The following PTPN2 variants were observed in gnomAD, a reference collection of about 807,000 sequenced individuals.
The protein encoded by PTPN2 is protein tyrosine phosphatase non-receptor type 2, also known as tyrosine-protein phosphatase non-receptor type 2.
A neutral mutation model predicts 57.3 loss-of-function variants in PTPN2; 19 were observed. The ratio of observed to expected loss-of-function variants is 0.33; its 90% confidence interval spans 0.23 to 0.49. PTPN2 has a LOEUF of 0.49. PTPN2 is among the 20% of genes least tolerant of loss of function. PTPN2 has a pLI of 0.99. For missense variants in PTPN2, 358 were observed against 501.1 expected (o/e 0.71, Z 2.73); for synonymous variants, 153 against 164.9 (o/e 0.93, Z 0.55).
Position 12,855,271 on chromosome 18 carries a change from G to A in PTPN2, c.160+3893C>T, listed in dbSNP as rs146075517. Among the ~76,000 whole-genome samples the A allele has an allele frequency of 1.3e-3, 198 of 152,248 alleles. 1 individual carries two copies. The highest frequency in any genetic ancestry group is 4.5e-3 in the African/African-American group (188 of 41,548). ...CAGGTAAGAAATGTCCATCCATGTA[G>A]GTAAGAAAGGAAGTGGGGGCTGGGG... is the stretch of plus-strand genomic sequence containing the variant. On this transcript the variant is annotated intron_variant, in intron 2 of 8. Transcript: ENST00000309660.
chr18:12,838,754 T>C (rs1826311977), intron 2 of PTPN2, among the ~76,000 whole-genome samples: 1 of 133,540 alleles, frequency 7.5e-6, no homozygotes, highest in Non-Finnish European at 1.7e-5. Context: ...GAAAACTCTA[T>C]AGCTATTTAG....
chr18:12,878,649 G>GGT (rs1432712306), intron 1 of PTPN2, among the ~76,000 whole-genome samples: 1 of 152,142 alleles, frequency 6.6e-6, no homozygotes, highest in African/African-American at 2.4e-5. Context: ...TCCAGCCTGG[G>GGT]GGACAGAGCA....
At chr18:12,831,231 T>C (rs1009225928) in intron 3 of PTPN2, among the ~76,000 whole-genome samples, 190 bp from the exon 4 acceptor site, 5 of 152,214 alleles carry the variant, frequency 3.3e-5, no homozygotes, top group African/African-American at 7.2e-5. Context: ...TTTTTGGTTG[T>C]AAATGATCAA....
At chr18:12,874,800 G>A (rs1167673793) in intron 1 of PTPN2, among the ~76,000 whole-genome samples, 1 of 152,222 alleles carries the variant, frequency 6.6e-6, no homozygotes, top group African/African-American at 2.4e-5. Context: ...CCCTGTCTGG[G>A]AGGTGTGCCC....
intron 8 of PTPN2, among the ~76,000 whole-genome samples, chr18:12,800,097 T>C (rs990544187): frequency 2.0e-5 from 3 of 152,110 alleles, no homozygotes; most frequent in Non-Finnish European, 4.4e-5. Flanking sequence ...TGCGAAAACA[T>C]GTACAGGCAC....
At chr18:12,878,888 C>T (rs1409259926) in intron 1 of PTPN2, among the ~76,000 whole-genome samples, 1 of 152,178 alleles carries the variant, frequency 6.6e-6, no homozygotes, top group Non-Finnish European at 1.5e-5. Flanking sequence ...AAGCCAAATT[C>T]CTTCTGAGCC....
intron 1 of PTPN2, among the ~76,000 whole-genome samples, chr18:12,882,850 G>A (rs1355134971): frequency 6.6e-6 from 1 of 152,192 alleles, no homozygotes; most frequent in Non-Finnish European, 1.5e-5. Flanking sequence ...TTACAGGAAA[G>A]CCCGTCTTTT....
chr18:12,870,379 ATATACG>A lies in PTPN2; in HGVS notation c.70-11131_70-11126del, dbSNP rs1336245906. On this transcript the variant is annotated intron_variant, in intron 1 of 8. Coordinates refer to ENST00000309660, the MANE Select transcript of PTPN2 (RefSeq NM_002828.4). ...TATATATATGTGTATATATACATAT[ATATACG>A]TATATATGTATATATACACGTATAT... Among the ~76,000 whole-genome samples the A allele has an allele frequency of 4.3e-4, 29 of 68,096 alleles. 1 individual carries two copies. Among genetic ancestry groups the A allele is most frequent in the Non-Finnish European group, 7.4e-4 (29 of 38,936 alleles). The allele number at this position is 68,096 out of a possible 152,430, so 44.7% of individuals were successfully genotyped here. A position where few individuals can be genotyped will look rare whatever the true frequency, so the allele number is the denominator to read the frequency against.
At chr18:12,807,778 C>T (rs956708669) in intron 7 of PTPN2, among the ~76,000 whole-genome samples, 1 of 151,506 alleles carries the variant, frequency 6.6e-6, no homozygotes, top group African/African-American at 2.4e-5. Flanking sequence ...ATAGTACCTA[C>T]TGGAGGCTTC....
At chr18:12,799,073 T>A (rs1345161961) in intron 8 of PTPN2, among the ~76,000 whole-genome samples, 2 of 152,212 alleles carry the variant, frequency 1.3e-5, no homozygotes, top group African/African-American at 4.8e-5. Flanking sequence ...ATCCTCCAAA[T>A]GAATACAATG....
intron 1 of PTPN2, among the ~76,000 whole-genome samples, chr18:12,882,639 C>A (rs2145555141): frequency 6.6e-6 from 1 of 152,326 alleles, no homozygotes; most frequent in Non-Finnish European, 1.5e-5. Context: ...CCAGAATTTG[C>A]GTTTCAGATT....
chr18:12,861,857 AAC>A (rs1348179527), intron 1 of PTPN2, among the ~76,000 whole-genome samples: 2 of 152,230 alleles, frequency 1.3e-5, no homozygotes, highest in Non-Finnish European at 2.9e-5. Context: ...AGCCCAGAGA[AAC>A]ACACTTCTTT....
intron 3 of PTPN2, among the ~76,000 whole-genome samples, chr18:12,832,086 C>T (rs2042687917): frequency 6.6e-6 from 1 of 152,152 alleles, no homozygotes; most frequent in Non-Finnish European, 1.5e-5. Flanking sequence ...TTCAGACCCA[C>T]ATACAACAAG....
intron 5 of PTPN2, among the ~76,000 whole-genome samples, chr18:12,817,770 G>C (rs1256279685): frequency 6.6e-6 from 1 of 152,158 alleles, no homozygotes. Flanking sequence ...TGGGTTCTCA[G>C]CTACTAATCT....
chr18:12,817,432 G>A (rs759859468), intron 5 of PTPN2, 67 bp from the exon 6 acceptor site: 6 of 1,196,020 alleles, frequency 5.0e-6, no homozygotes, highest in Non-Finnish European at 7.3e-6. Flanking sequence ...ACTTCAGAAA[G>A]ATCATGTGTT....
Position 12,884,211 on chromosome 18 carries a change from G to A in PTPN2, c.-70C>T, listed in dbSNP as rs945331118. On this transcript the variant is annotated 5_prime_UTR_variant, in exon 1 of 9. Transcript: ENST00000309660. ...GAGGCTCAGGCCCCGCACGATCCGGGGAGAGCGCTGGCGCTGCGGCGCATG... is the reference window on the plus strand; with the variant it reads ...GAGGCTCAGGCCCCGCACGATCCGGAGAGAGCGCTGGCGCTGCGGCGCATG... 55 of 1,271,688 alleles carry A rather than the reference G, an allele frequency of 4.3e-5. No homozygotes were observed. The East Asian group carries it at 1.4e-3, about 33-fold the overall frequency. The allele number at this position is 1,271,688 out of a possible 1,614,324, so 78.8% of individuals were successfully genotyped here.
At chr18:12,831,351 C>T (rs965402002) in intron 3 of PTPN2, among the ~76,000 whole-genome samples, 14 of 152,170 alleles carry the variant, frequency 9.2e-5, no homozygotes, top group Non-Finnish European at 1.5e-4. Context: ...GGTTAAGACA[C>T]AAGCAAGGTC....
intron 6 of PTPN2, among the ~76,000 whole-genome samples, chr18:12,815,133 T>TAAA (rs750610956): frequency 3.2e-4 from 45 of 140,240 alleles, no homozygotes; most frequent in Non-Finnish European, 6.6e-4. Context: ...AATAAATAAA[T>TAAA]AAAAATGTGG....
Position 12,794,361 on chromosome 18 carries a change from G to C in PTPN2, c.1165C>G (p.Leu389Val). ...RKRWLYWQPI[L>V]TKMGFMSVIL... ...ACTGACATAAACCCCATCTTAGTGA[G>C]AATAGGTTGCCAATATAACCACCTT... is the stretch of plus-strand genomic sequence containing the variant. Residue 389 changes from leucine to valine, a missense_variant, in exon 9 of 9, where the codon CTC (leucine) becomes GTC (valine). Physicochemically the swap from Leu to Val is conservative, Grantham distance 32 (BLOSUM62 1). Coordinates refer to ENST00000309660, the MANE Select transcript of PTPN2 (RefSeq NM_002828.4). 2 of 1,614,220 alleles carry C rather than the reference G, an allele frequency of 1.2e-6. No individual in the cohort carries two copies. The highest frequency in any genetic ancestry group is 2.2e-5 in the South Asian group (2 of 91,086).
Sources: gnomAD v4.1 joint callset for allele counts (sites outside exome capture counted in the v4.1 genomes callset) on GRCh38, gnomAD v4.1.1 for gene constraint, MANE v1.5 for transcripts, NCBI Gene and HGNC (gene_info 2026-07-23, HGNC 2026-07-21) for gene names.